Variants in LRRIQ1 observed in about 807,000 individuals in gnomAD.
LRRIQ1 encodes leucine rich repeats and IQ motif containing 1, also known as leucine-rich repeat- and IQ domain-containing protein 1.
A neutral mutation model predicts 211.9 loss-of-function variants in LRRIQ1; 210 were observed. That is an observed-to-expected ratio of 0.99 (90% confidence interval 0.89 to 1.11). The LOEUF is 1.11. LRRIQ1 is among the 50% of genes most tolerant of loss of function. LRRIQ1 has a pLI of 0.00. For synonymous variants in LRRIQ1, 699 were observed against 650.1 expected, an observed-to-expected ratio of 1.08 and a Z score of -1.14; for missense variants, 2,136 against 1,939.5, an observed-to-expected ratio of 1.10 and a Z score of -1.90.
At chr12:85,068,493 T>G (rs1485093446) in intron 10 of LRRIQ1, among the ~76,000 whole-genome samples, 1 of 151,916 alleles carries the variant, frequency 6.6e-6, no homozygotes, top group Non-Finnish European at 1.5e-5. Flanking sequence ...TTTACTTTTT[T>G]GGGGTTTTGA....
At chr12:85,206,861 C>G (rs768585631) in intron 24 of LRRIQ1, among the ~76,000 whole-genome samples, 1 of 152,108 alleles carries the variant, frequency 6.6e-6, no homozygotes, top group African/African-American at 2.4e-5. Context: ...ATCTCACAGG[C>G]AAGATTGCTC....
chr12:85,105,207 G>A (rs1464395336), intron 14 of LRRIQ1, among the ~76,000 whole-genome samples: 1 of 152,002 alleles, frequency 6.6e-6, no homozygotes, highest in African/African-American at 2.4e-5. Flanking sequence ...ATTTAGATGA[G>A]TAGATATTTT....
chr12:85,268,285 G>T (rs1896464385), downstream of LRRIQ1, among the ~76,000 whole-genome samples: 1 of 151,852 alleles, frequency 6.6e-6, no homozygotes, highest in Non-Finnish European at 1.5e-5. Context: ...AGAATCTTTG[G>T]AAATGTAAAA....
intron 24 of LRRIQ1, among the ~76,000 whole-genome samples, chr12:85,189,768 T>C (rs1892398814): frequency 6.8e-6 from 1 of 146,932 alleles, no homozygotes; most frequent in Non-Finnish European, 1.5e-5. Flanking sequence ...AAAATATATA[T>C]AATATCTAAT....
chr12:85,055,121 T>C (rs1880824256), intron 7 of LRRIQ1, among the ~76,000 whole-genome samples: 1 of 152,152 alleles, frequency 6.6e-6, no homozygotes, highest in Non-Finnish European at 1.5e-5. Flanking sequence ...TTCCTGTTTT[T>C]GCAGTCTCAA....
intron 24 of LRRIQ1, among the ~76,000 whole-genome samples, chr12:85,190,930 A>T (rs1405707762): frequency 6.6e-6 from 1 of 152,000 alleles, no homozygotes; most frequent in South Asian, 2.1e-4. Context: ...ATTGCACAGC[A>T]TATGTTAAAC....
chr12:85,127,944 A>G lies in LRRIQ1; in HGVS notation c.4120A>G (p.Ile1374Val), dbSNP rs1888490484. The change falls in exon 18 of 27, where the codon ATC becomes GTC. Residue 1374 changes from isoleucine (I) to valine (V), a missense_variant. Ile to Val is a conservative substitution (Grantham distance 29). Coordinates refer to ENST00000393217, the MANE Select transcript of LRRIQ1 (RefSeq NM_001079910.2). ...AATEGLPNSS[I>V]KNQTILKKGK... ...AACAGAAGGCCTGCCAAATTCTTCC[A>G]TCAAGAATCAGACTATTTTAAAGAA... 23 of 1,613,332 alleles carry G rather than the reference A, an allele frequency of 1.4e-5. No homozygotes were observed. Among genetic ancestry groups the G allele is most frequent in the South Asian group, 3.3e-5 (3 of 91,054 alleles).
chr12:85,136,054 T>G (rs1190650948), intron 18 of LRRIQ1, among the ~76,000 whole-genome samples: 2 of 152,046 alleles, frequency 1.3e-5, no homozygotes, highest in African/African-American at 4.8e-5. Context: ...GGATTTTTAC[T>G]TATTTAATTG....
At chr12:85,073,726 G>T (rs1476638053) in intron 11 of LRRIQ1, among the ~76,000 whole-genome samples, 1 of 151,948 alleles carries the variant, frequency 6.6e-6, no homozygotes. Context: ...TGTCTGTTGG[G>T]TACAATGAAA....
intron 24 of LRRIQ1, among the ~76,000 whole-genome samples, chr12:85,167,102 C>T (rs951649242): frequency 2.6e-5 from 4 of 152,034 alleles, no homozygotes; most frequent in African/African-American, 9.7e-5. Flanking sequence ...GACTCATTGC[C>T]CTATGCAATC....
chr12:85,076,848 G>A (rs1430996604), intron 11 of LRRIQ1, among the ~76,000 whole-genome samples: 1 of 151,376 alleles, frequency 6.6e-6, no homozygotes, highest in Non-Finnish European at 1.5e-5. Flanking sequence ...GCAACACAAT[G>A]CTTAGTGTAA....
exon 2 of LRRIQ1, chr12:85,263,216 T>C (rs1896347432): frequency 2.3e-5 from 6 of 261,724 alleles, no homozygotes; most frequent in Non-Finnish European, 3.6e-5. Flanking sequence ...GGAGCTATCT[T>C]ATTTCTCTTC....
intron 16 of LRRIQ1, among the ~76,000 whole-genome samples, chr12:85,122,305 A>T (rs1888043151): frequency 6.6e-6 from 1 of 152,140 alleles, no homozygotes; most frequent in East Asian, 1.9e-4. Context: ...TACATATTAA[A>T]ATAGTGTACA....
At chr12:85,097,543 A>G (rs532325590) in intron 11 of LRRIQ1, among the ~76,000 whole-genome samples, 3 of 152,216 alleles carry the variant, frequency 2.0e-5, no homozygotes, top group Non-Finnish European at 2.9e-5. Context: ...TTTGCTCAGA[A>G]TGATGGTTTC....
At position 85,072,197 on chromosome 12, in the gene LRRIQ1, G is replaced by T. The variant is rs142664015; in HGVS notation, c.2696-710G>T. On this transcript the variant is annotated intron_variant, in intron 10 of 26. Transcript: ENST00000393217. ...TCATAATTTTAGGGTTTTTAAAAAT[G>T]TTTTACCTTAGATTTAAAATTTCCA... Among the ~76,000 whole-genome samples, 900 of 151,578 alleles carry T rather than the reference G, an allele frequency of 5.9e-3. 14 individuals are homozygous for T. The highest frequency in any genetic ancestry group is 0.021 in the African/African-American group (851 of 41,324).
chr12:85,244,744 A>G (rs761313848), intron 26 of LRRIQ1, 45 bp from the exon 27 acceptor site: 4 of 1,548,518 alleles, frequency 2.6e-6, no homozygotes, highest in Non-Finnish European at 3.6e-6. Flanking sequence ...AGAAAATGCC[A>G]TATTTTGTTT....
chr12:85,209,729 C>G (rs569755323), intron 24 of LRRIQ1, among the ~76,000 whole-genome samples: 5 of 152,068 alleles, frequency 3.3e-5, no homozygotes, highest in African/African-American at 1.2e-4. Flanking sequence ...GAGAAAAGAG[C>G]ATGAGATGCT....
In LRRIQ1 at chr12:85,065,342, C is replaced by A. The variant is rs1201575029; in HGVS notation, c.2472C>A (p.Ser824=). 1.2e-6 allele frequency: 2 copies of A among 1,611,010 alleles called. No homozygotes were observed. Among genetic ancestry groups the A allele is most frequent in the Non-Finnish European group, 1.7e-6 (2 of 1,177,998 alleles). The part of the protein sequence containing the change: ...LAECTNLQFL[S]LRRCGLTSLH... ...AGTGTACAAATCTTCAGTTTCTATCCCTTCGACGCTGTGGATTAACTTCTT... is the reference window on the plus strand; with the variant it reads ...AGTGTACAAATCTTCAGTTTCTATCACTTCGACGCTGTGGATTAACTTCTT... The change falls in exon 9 of 27, where the codon TCC becomes TCA. Residue 824 remains serine (S), a synonymous_variant. Coordinates refer to ENST00000393217, the MANE Select transcript of LRRIQ1 (RefSeq NM_001079910.2).
intron 24 of LRRIQ1, among the ~76,000 whole-genome samples, chr12:85,176,151 T>G (rs1028463611): frequency 6.6e-6 from 1 of 152,180 alleles, no homozygotes; most frequent in African/African-American, 2.4e-5. Context: ...TGGAATGTTC[T>G]TCCCTTTGTT....
Sources: allele counts gnomAD v4.1 joint callset (sites outside exome capture counted in the v4.1 genomes callset), GRCh38; gene constraint gnomAD v4.1.1; transcripts MANE v1.5; gene names NCBI Gene and HGNC (gene_info 2026-07-23, HGNC 2026-07-21).